The following GALNT14 variants were observed in gnomAD, a reference collection of about 807,000 sequenced individuals.
The protein encoded by GALNT14 is UDP-GalNAc:polypeptide N-acetylgalactosaminyltransferase 14.
In GALNT14, 60 loss-of-function variants were observed where a neutral mutation model predicts 77.5. The ratio of observed to expected loss-of-function variants is 0.77; its 90% CI spans 0.63 to 0.96. GALNT14 has a LOEUF of 0.96. GALNT14 is among the 40% of genes least tolerant of loss of function. The pLI, the probability that GALNT14 is intolerant of heterozygous loss-of-function variation, is 0.00. For missense variants in GALNT14, 710 were observed against 731.0 expected, an observed-to-expected ratio of 0.97 and a Z score of 0.33; for synonymous variants, 280 against 281.7, an observed-to-expected ratio of 0.99 and a Z score of 0.06.
At position 30,985,658 on chromosome 2, in the gene GALNT14, G is replaced by A. The variant is rs562915683; in HGVS notation, c.299+7180C>T. ...CCCCCAGAGGAGGAGATGCTCTGGA[G>A]TGAACTCAGAGATCAAACTCAGATG... is the stretch of plus-strand genomic sequence containing the variant. On this transcript the variant is annotated intron_variant, in intron 2 of 14. Coordinates refer to ENST00000349752, the MANE Select transcript of GALNT14 (RefSeq NM_024572.4). 2.6e-5 allele frequency among the ~76,000 whole-genome samples: 4 copies of A among 152,322 alleles called. No individual in the cohort carries two copies. In the South Asian group the frequency reaches 8.3e-4, roughly 32 times the overall value.
chr2:30,924,413 A>T, intron 12 of GALNT14, 150 bp from the exon 13 acceptor site: 1 of 791,758 alleles, frequency 1.3e-6, no homozygotes, highest in Non-Finnish European at 2.0e-6. Flanking sequence ...GGGTGCCACT[A>T]AGAATGAGGT....
At chr2:30,931,552 G>T (rs1463534421) in intron 10 of GALNT14, among the ~76,000 whole-genome samples, 1 of 152,062 alleles carries the variant, frequency 6.6e-6, no homozygotes, top group South Asian at 2.1e-4. Flanking sequence ...GCAGACAGGA[G>T]CCCAGGGTCT....
chr2:31,018,778 C>T (rs1671539751), intron 1 of GALNT14, among the ~76,000 whole-genome samples: 1 of 152,098 alleles, frequency 6.6e-6, no homozygotes, highest in African/African-American at 2.4e-5. Context: ...ATGACAACAA[C>T]AAAAAAGCAA....
In GALNT14 at chr2:30,985,268, AGT is replaced by A. The variant is rs1288889360; in HGVS notation, c.299+7568_299+7569del. 2.6e-5 allele frequency among the ~76,000 whole-genome samples: 4 copies of A among 152,344 alleles called. No homozygotes were observed. The East Asian group carries it at 7.7e-4, about 29-fold the overall frequency. The stretch of plus-strand genomic sequence containing the variant: ...AAGGCAGTTTAGATGAATTCTCATC[AGT>A]GTTGTTGACTGGTCCCCTTTTGAAG... On this transcript the variant is annotated intron_variant, in intron 2 of 14. Transcript: ENST00000349752.
intron 1 of GALNT14, among the ~76,000 whole-genome samples, chr2:31,007,071 G>A (rs192068310): frequency 6.6e-6 from 1 of 152,268 alleles, no homozygotes; most frequent in Admixed American, 6.5e-5. Context: ...TTATCTCGTG[G>A]GACTCTGTGG....
At chr2:30,973,412 C>T (rs921079586) in intron 2 of GALNT14, among the ~76,000 whole-genome samples, 3 of 152,200 alleles carry the variant, frequency 2.0e-5, no homozygotes, top group African/African-American at 7.2e-5. Context: ...AATGACCTTT[C>T]CAGAACGTCA....
intron 1 of GALNT14, among the ~76,000 whole-genome samples, chr2:31,059,937 C>T (rs1015769471): frequency 1.3e-5 from 2 of 152,206 alleles, no homozygotes; most frequent in African/African-American, 4.8e-5. Context: ...CAGACTAAAA[C>T]AATGCCAAAT....
In GALNT14 at chr2:31,066,669, G is replaced by A. The variant is rs72854867; in HGVS notation, c.129+71289C>T. The stretch of plus-strand genomic sequence containing the variant: ...CAAATATTGGTTTCTGTGAAGAGCC[G>A]GAGCACAGAGCAGGCAGCCCCCAGG... On this transcript the variant is annotated intron_variant, in intron 1 of 14. Coordinates refer to ENST00000349752, the MANE Select transcript of GALNT14 (RefSeq NM_024572.4). Among the ~76,000 whole-genome samples, 1,165 of 152,066 alleles carry A rather than the reference G, an allele frequency of 7.7e-3. 13 individuals carry two copies. Among genetic ancestry groups the A allele is most frequent in the African/African-American group, 0.026 (1,095 of 41,462 alleles).
intron 9 of GALNT14, among the ~76,000 whole-genome samples, chr2:30,936,226 T>C (rs752645157): frequency 1.6e-4 from 24 of 152,048 alleles, no homozygotes; most frequent in African/African-American, 5.8e-4. Context: ...CAGTAGTGCT[T>C]ACCACCCCTC....
chr2:31,003,295 G>C (rs1392457906), intron 1 of GALNT14, among the ~76,000 whole-genome samples: 1 of 152,212 alleles, frequency 6.6e-6, no homozygotes, highest in East Asian at 1.9e-4. Context: ...ACATATAATA[G>C]AGGAAGAAAG....
At chr2:30,942,334 T>G in intron 8 of GALNT14, 30 bp from the exon 9 acceptor site, 2 of 1,517,410 alleles carry the variant, frequency 1.3e-6, no homozygotes, top group Non-Finnish European at 1.8e-6. Context: ...AGAGAGGGGA[T>G]CAGTTCTAGT....
intron 10 of GALNT14, among the ~76,000 whole-genome samples, chr2:30,931,776 C>A (rs996971420): frequency 6.6e-6 from 1 of 152,108 alleles, no homozygotes; most frequent in Non-Finnish European, 1.5e-5. Context: ...ATATCTGGAG[C>A]CCATGCCCTG....
Position 30,932,075 on chromosome 2 carries a change from A to T in GALNT14, c.1051T>A (p.Tyr351Asn), listed in dbSNP as rs1376622128. 6.4e-7 allele frequency: 1 copy of T among 1,559,124 alleles called. No individual in the cohort carries two copies. The highest frequency in any genetic ancestry group is 8.7e-7 in the Non-Finnish European group (1 of 1,152,668). ...GAGCCCCTGGGCACTTACTTTATAT[A>T]CGTGTTGGCATTTCCATCAGGGAAA... Reference protein sequence around the residue: ...YVFPDGNANTYIKNTKRTAEV... With the variant: ...YVFPDGNANTNIKNTKRTAEV... The change falls in exon 10 of 15, where the codon TAT (tyrosine) becomes AAT (asparagine). Residue 351 changes from tyrosine (Y) to asparagine (N), a missense_variant. By Grantham distance (143) the Tyr-to-Asn change is moderately radical (BLOSUM62 -2). Transcript: ENST00000349752.
At position 30,924,826 on chromosome 2, in the gene GALNT14, G is replaced by C. The variant is rs780789795; in HGVS notation, c.1152-3C>G. On this transcript the variant is annotated splice_polypyrimidine_tract_variant and splice_region_variant and intron_variant, in intron 11 of 14. Coordinates refer to ENST00000349752, the MANE Select transcript of GALNT14 (RefSeq NM_024572.4). ...TCAGGTCCAATCTGCTCTCAACACT[G>C]GGGGCAACGGGGTTGTGGACAGACA... 5 of 1,612,444 alleles carry C rather than the reference G, an allele frequency of 3.1e-6. No individual in the cohort carries two copies. The highest frequency in any genetic ancestry group is 1.7e-5 in the Admixed American group (1 of 59,948).
At chr2:30,977,092 C>CTTTTTTT (rs11314175) in intron 2 of GALNT14, among the ~76,000 whole-genome samples, 12 of 135,122 alleles carry the variant, frequency 8.9e-5, no homozygotes, top group Admixed American at 2.9e-4. Flanking sequence ...GCTTTTCTGT[C>CTTTTTTT]TTTTTTTTTT....
the GALNT14 span, among the ~76,000 whole-genome samples, chr2:30,897,128 T>C: frequency 6.6e-6 from 1 of 152,158 alleles, no homozygotes; most frequent in Admixed American, 6.5e-5. Flanking sequence ...CCCACTTTTT[T>C]CCATGTCTCC....
At chr2:31,100,507 T>G (rs573380169) in intron 1 of GALNT14, among the ~76,000 whole-genome samples, 1 of 152,060 alleles carries the variant, frequency 6.6e-6, no homozygotes, top group South Asian at 2.1e-4. Context: ...AGCATCTTCA[T>G]ACAGCAACAA....
rs754542971 is a variant in GALNT14, at chr2:31,137,996, A to C, written c.91T>G (p.Leu31Val). ...LLFFWVTKRK[L>V]EVPTGPEVQT... ...ACTTCAGGTCCCGTCGGCACCTCCAACTTCCTCTTGGTTACCCAGAAGAAC... is the reference window on the plus strand; with the variant it reads ...ACTTCAGGTCCCGTCGGCACCTCCACCTTCCTCTTGGTTACCCAGAAGAAC... The change falls in exon 1 of 15, where the codon TTG becomes GTG. Residue 31 changes from leucine to valine, a missense_variant. By Grantham distance (32) the Leu-to-Val change is conservative. Coordinates refer to ENST00000349752, the MANE Select transcript of GALNT14 (RefSeq NM_024572.4). 3 of 1,613,460 alleles carry C rather than the reference A, an allele frequency of 1.9e-6. No homozygotes were observed. The highest frequency in any genetic ancestry group is 1.1e-5 in the South Asian group (1 of 91,076).
intron 9 of GALNT14, among the ~76,000 whole-genome samples, chr2:30,933,523 GC>G (rs1665873088): frequency 6.6e-6 from 1 of 152,136 alleles, no homozygotes; most frequent in African/African-American, 2.4e-5. Flanking sequence ...CCTTGGAAAG[GC>G]CCCTGGACTG....
Sources: allele counts gnomAD v4.1 joint callset (sites outside exome capture counted in the v4.1 genomes callset), GRCh38; gene constraint gnomAD v4.1.1; transcripts MANE v1.5; gene names NCBI Gene and HGNC (gene_info 2026-07-23, HGNC 2026-07-21).